Variants in ARHGAP42 observed in about 807,000 individuals in gnomAD.
The protein encoded by ARHGAP42 is Rho GTPase activating protein 42.
In ARHGAP42, 63 loss-of-function variants were observed where a neutral mutation model predicts 125.0. That is an observed-to-expected ratio of 0.50 (90% CI 0.41 to 0.62). The LOEUF is 0.62. Ranked by LOEUF, ARHGAP42 falls within the 20% of genes least tolerant of loss-of-function variation. ARHGAP42 has a pLI of 0.00. For synonymous variants in ARHGAP42, 339 were observed against 351.0 expected (o/e 0.97, Z 0.38); for missense variants, 766 against 1,024.2 (o/e 0.75, Z 3.44).
At chr11:100,703,598 A>G (rs540433599) in intron 1 of ARHGAP42, among the ~76,000 whole-genome samples, 1 of 152,350 alleles carries the variant, frequency 6.6e-6, no homozygotes, top group Admixed American at 6.5e-5. Context: ...TGATTATAAG[A>G]TATGATATAG....
rs1004384496 is a variant in ARHGAP42, at chr11:100,961,760, C to A, written c.1377C>A (p.Asn459Lys). The A allele has an allele frequency of 6.4e-7, 1 of 1,551,498 alleles. No individual in the cohort carries two copies. Among genetic ancestry groups the A allele is most frequent in the South Asian group, 1.2e-5 (1 of 84,030 alleles). The change falls in exon 15 of 24, where the codon AAC becomes AAA. Residue 459 changes from asparagine (N) to lysine (K), a missense_variant. Asn to Lys is a moderately conservative substitution (Grantham distance 94). Coordinates refer to ENST00000298815, the MANE Select transcript of ARHGAP42 (RefSeq NM_152432.4). Reference protein sequence around the residue: ...DNKTITSGLKNYLRCLAEPLM... With the variant: ...DNKTITSGLKKYLRCLAEPLM... ...AGACGATAACAAGTGGGCTGAAAAA[C>A]TACCTCAGGTGAGGAGGGTTTAACT...
intron 17 of ARHGAP42, among the ~76,000 whole-genome samples, chr11:100,966,558 A>C (rs1858099995): frequency 6.6e-6 from 1 of 152,084 alleles, no homozygotes; most frequent in Admixed American, 6.6e-5. Flanking sequence ...GCCCACCTAC[A>C]TTTTGGAGGG....
intron 1 of ARHGAP42, among the ~76,000 whole-genome samples, chr11:100,756,821 G>A (rs1862589804): frequency 6.6e-6 from 1 of 152,188 alleles, no homozygotes; most frequent in South Asian, 2.1e-4. Flanking sequence ...GTTGCTCTCT[G>A]TGTACAGATC....
intron 4 of ARHGAP42, among the ~76,000 whole-genome samples, chr11:100,862,748 C>T (rs750033008): frequency 2.0e-4 from 31 of 151,976 alleles, no homozygotes; most frequent in Non-Finnish European, 3.5e-4. Context: ...CAAGCATGTT[C>T]GGCTGGGTGT....
At chr11:100,820,973 T>A (rs632290) in intron 3 of ARHGAP42, among the ~76,000 whole-genome samples, 1 of 152,082 alleles carries the variant, frequency 6.6e-6, no homozygotes, top group Non-Finnish European at 1.5e-5. Context: ...TGTTTGTTTT[T>A]GTTTTCTTTT....
At chr11:100,879,382 A>G (rs1000225604) in intron 4 of ARHGAP42, among the ~76,000 whole-genome samples, 1 of 152,124 alleles carries the variant, frequency 6.6e-6, no homozygotes, top group African/African-American at 2.4e-5. Context: ...TTAACTGTCA[A>G]TCAGTTCCTT....
chr11:100,812,960 CTG>C (rs1864182410), intron 3 of ARHGAP42, among the ~76,000 whole-genome samples: 1 of 152,182 alleles, frequency 6.6e-6, no homozygotes, highest in Non-Finnish European at 1.5e-5. Context: ...GAGGACAAGA[CTG>C]TGTGCTGAGC....
intron 4 of ARHGAP42, among the ~76,000 whole-genome samples, chr11:100,903,706 C>CAAAAAAAAA (rs749877720): frequency 1.4e-3 from 44 of 32,492 alleles, no homozygotes; most frequent in Non-Finnish European, 1.9e-3. Context: ...ACATGTCCCT[C>CAAAAAAAAA]AAAATATATA....
chr11:100,783,634 C>A (rs950170659), intron 2 of ARHGAP42, among the ~76,000 whole-genome samples: 1 of 152,168 alleles, frequency 6.6e-6, no homozygotes, highest in African/African-American at 2.4e-5. Flanking sequence ...TCATTTCTTG[C>A]CACTTTGTCC....
chr11:100,851,817 T>C (rs964116448), intron 3 of ARHGAP42, among the ~76,000 whole-genome samples: 2 of 152,196 alleles, frequency 1.3e-5, no homozygotes, highest in African/African-American at 4.8e-5. Flanking sequence ...AGTTAACCAC[T>C]GGCACTCAGG....
chr11:100,777,057 G>A (rs1179268355), intron 2 of ARHGAP42, among the ~76,000 whole-genome samples: 4 of 151,738 alleles, frequency 2.6e-5, no homozygotes, highest in South Asian at 2.1e-4. Context: ...ATGCTTGTAC[G>A]AATCGTACAT....
At chr11:100,965,144 C>T (rs529710749) in intron 16 of ARHGAP42, among the ~76,000 whole-genome samples, 56 of 152,090 alleles carry the variant, frequency 3.7e-4, no homozygotes, top group Non-Finnish European at 6.5e-4. Context: ...ATCAAGAGAA[C>T]AGCATAGGGT....
At chr11:100,980,553 C>CTTTTTTTTTTTTTT (rs1858509100) in intron 22 of ARHGAP42, among the ~76,000 whole-genome samples, 1 of 32,234 alleles carries the variant, frequency 3.1e-5, no homozygotes, top group Non-Finnish European at 5.4e-5. Context: ...ACTTCTTTTT[C>CTTTTTTTTTTTTTT]TTCTTCTTTT....
intron 1 of ARHGAP42, among the ~76,000 whole-genome samples, chr11:100,705,833 C>T (rs1161048928): frequency 6.6e-6 from 1 of 152,158 alleles, no homozygotes; most frequent in Non-Finnish European, 1.5e-5. Context: ...TCCCAGAGTG[C>T]TGGGATTATA....
chr11:100,728,604 A>G (rs889282634), intron 1 of ARHGAP42, among the ~76,000 whole-genome samples: 6 of 151,476 alleles, frequency 4.0e-5, no homozygotes, highest in Non-Finnish European at 8.8e-5. Flanking sequence ...TCTTTTCCTC[A>G]TTATAAGCTC....
intron 1 of ARHGAP42, among the ~76,000 whole-genome samples, chr11:100,714,541 T>C (rs1022210210): frequency 5.9e-5 from 9 of 152,238 alleles, no homozygotes; most frequent in African/African-American, 1.7e-4. Flanking sequence ...GAAATTCCAG[T>C]GTGAAAAGAA....
chr11:100,705,028 AAAAAAG>A (rs796281617), intron 1 of ARHGAP42, among the ~76,000 whole-genome samples: 61 of 146,734 alleles, frequency 4.2e-4, no homozygotes, highest in South Asian at 1.1e-3. Context: ...AAAAAAAAAA[AAAAAAG>A]AGAGAAGAAA....
intron 2 of ARHGAP42, among the ~76,000 whole-genome samples, chr11:100,778,349 G>T (rs1017825328): frequency 6.6e-6 from 1 of 151,824 alleles, no homozygotes; most frequent in African/African-American, 2.4e-5. Context: ...CTTCTCATTT[G>T]CTGAATCAAA....
intron 3 of ARHGAP42, among the ~76,000 whole-genome samples, chr11:100,814,998 A>G (rs1864232276): frequency 6.6e-6 from 1 of 152,236 alleles, no homozygotes; most frequent in South Asian, 2.1e-4. Flanking sequence ...AGTTGGCCTC[A>G]TGGTGGACAC....
Sources: allele counts gnomAD v4.1 joint callset (sites outside exome capture counted in the v4.1 genomes callset), GRCh38; gene constraint gnomAD v4.1.1; transcripts MANE v1.5; gene names NCBI Gene and HGNC (gene_info 2026-07-23, HGNC 2026-07-21).